GPHN: variants seen among roughly 807,000 people sequenced by gnomAD.
The protein encoded by GPHN is gephyrin.
In GPHN, 17 loss-of-function variants were observed where a neutral mutation model predicts 95.5. The ratio of observed to expected loss-of-function variants is 0.18; its 90% CI spans 0.12 to 0.27. GPHN has a LOEUF of 0.27. Ranked by LOEUF, GPHN falls within the 10% of genes least tolerant of loss-of-function variation. The pLI, the probability that GPHN is intolerant of heterozygous loss-of-function variation, is 1.00. For missense variants in GPHN, 660 were observed against 978.1 expected, an observed-to-expected ratio of 0.67 and a Z score of 4.34; for synonymous variants, 320 against 322.5, an observed-to-expected ratio of 0.99 and a Z score of 0.08.
intron 2 of GPHN, among the ~76,000 whole-genome samples, chr14:66,766,855 A>G (rs1485399949): frequency 1.3e-5 from 2 of 152,058 alleles, no homozygotes; most frequent in African/African-American, 4.8e-5. Context: ...AATTTCATTA[A>G]TCTTGCCTCT....
At chr14:67,459,762 G>A in the GPHN span, among the ~76,000 whole-genome samples, 2 of 152,338 alleles carry the variant, frequency 1.3e-5, no homozygotes, top group African/African-American at 2.4e-5. Flanking sequence ...CGTTGATTGG[G>A]AACAACAATT....
chr14:67,671,231 T>TA, the GPHN span, among the ~76,000 whole-genome samples: 26 of 152,228 alleles, frequency 1.7e-4, no homozygotes, highest in Admixed American at 3.9e-4. Context: ...ACCAGCAACT[T>TA]AGAGTATTTT....
intron 8 of GPHN, among the ~76,000 whole-genome samples, chr14:66,942,111 A>G (rs1305253754): frequency 6.6e-6 from 1 of 152,150 alleles, no homozygotes; most frequent in Non-Finnish European, 1.5e-5. Flanking sequence ...TCCCAAGTTC[A>G]AGTGATTCTC....
chr14:67,571,717 C>G, the GPHN span: 1 of 1,601,578 alleles, frequency 6.2e-7, no homozygotes. Context: ...TGTTTTGCAG[C>G]CTGAGCTGCA....
At chr14:67,725,810 T>C in the GPHN span, among the ~76,000 whole-genome samples, 1 of 152,142 alleles carries the variant, frequency 6.6e-6, no homozygotes, top group Non-Finnish European at 1.5e-5. Context: ...AATTACTCAT[T>C]AGAAACCCAG....
chr14:67,550,158 T>TTAAAA, the GPHN span, among the ~76,000 whole-genome samples: 1 of 145,206 alleles, frequency 6.9e-6, no homozygotes, highest in Non-Finnish European at 1.5e-5. Flanking sequence ...GATCTGTTGC[T>TTAAAA]AAAAAAAAAA....
At chr14:66,667,496 C>T (rs2066035673) in intron 1 of GPHN, among the ~76,000 whole-genome samples, 2 of 152,126 alleles carry the variant, frequency 1.3e-5, no homozygotes, top group Admixed American at 6.5e-5. Context: ...AAAAATAAGA[C>T]TGCACATGTA....
the GPHN span, among the ~76,000 whole-genome samples, chr14:67,318,628 C>T: frequency 6.6e-6 from 1 of 151,440 alleles, no homozygotes; most frequent in Non-Finnish European, 1.5e-5. Flanking sequence ...ATTACATTTG[C>T]TGTTTATGAT....
intron 3 of GPHN, among the ~76,000 whole-genome samples, chr14:66,778,440 A>G (rs936216246): frequency 1.3e-5 from 2 of 152,200 alleles, no homozygotes; most frequent in Non-Finnish European, 2.9e-5. Context: ...TTAGAGCATT[A>G]TGACATTATT....
chr14:67,485,483 G>A, the GPHN span, among the ~76,000 whole-genome samples: 1 of 152,170 alleles, frequency 6.6e-6, no homozygotes, highest in Non-Finnish European at 1.5e-5. Flanking sequence ...TCTACTCCCT[G>A]CAAATTCCTG....
chr14:67,601,380 G>T, the GPHN span, among the ~76,000 whole-genome samples: 2 of 152,202 alleles, frequency 1.3e-5, no homozygotes, highest in African/African-American at 4.8e-5. Context: ...AGATCCAAGA[G>T]GGTCTTGTAG....
chr14:67,189,837 A>ATTTTTTTTTTTTTT, the GPHN span: 2 of 108,096 alleles, frequency 1.9e-5, no homozygotes, highest in African/African-American at 3.8e-5. Flanking sequence ...ATTTTTTTTA[A>ATTTTTTTTTTTTTT]TTTTTTTTTT....
At chr14:67,599,959 C>T in the GPHN span, 1 of 1,403,718 alleles carries the variant, frequency 7.1e-7, no homozygotes, top group East Asian at 2.6e-5. Flanking sequence ...GACCAAAGAC[C>T]CCAAAGACCC....
At chr14:67,167,919 T>C (rs1184827895) in intron 20 of GPHN, among the ~76,000 whole-genome samples, 1 of 152,204 alleles carries the variant, frequency 6.6e-6, no homozygotes, top group East Asian at 1.9e-4. Context: ...TGTTTGCTTC[T>C]TCACAGCCCA....
the GPHN span, among the ~76,000 whole-genome samples, chr14:67,498,286 G>C: frequency 1.3e-5 from 2 of 152,096 alleles, no homozygotes; most frequent in Admixed American, 1.3e-4. Context: ...CACGATGGGG[G>C]GTGGGCAATC....
At chr14:67,192,210 A>G in the GPHN span, among the ~76,000 whole-genome samples, 3 of 152,222 alleles carry the variant, frequency 2.0e-5, no homozygotes, top group African/African-American at 7.2e-5. Context: ...TGTTGGAAAA[A>G]TATAAGCTAT....
intron 2 of GPHN, among the ~76,000 whole-genome samples, chr14:66,743,637 G>A (rs548917595): frequency 5.9e-5 from 9 of 152,280 alleles, no homozygotes; most frequent in African/African-American, 2.2e-4. Context: ...AGCTACTTGG[G>A]AGGCTGAGGC....
At chr14:66,669,733 T>C (rs140050166) in intron 1 of GPHN, among the ~76,000 whole-genome samples, 20 of 152,302 alleles carry the variant, frequency 1.3e-4, no homozygotes, top group Non-Finnish European at 2.2e-4. Context: ...GTTTTGTATT[T>C]CAGTTATTGT....
chr14:66,893,763 A>G (rs2064660497), intron 5 of GPHN, among the ~76,000 whole-genome samples: 1 of 152,184 alleles, frequency 6.6e-6, no homozygotes, highest in African/African-American at 2.4e-5. Flanking sequence ...CCCATTCACA[A>G]ATGCTTCAAA....
Sources: gnomAD v4.1 joint callset for allele counts (sites outside exome capture counted in the v4.1 genomes callset) on GRCh38, gnomAD v4.1.1 for gene constraint, MANE v1.5 for transcripts, NCBI Gene and HGNC (gene_info 2026-07-23, HGNC 2026-07-21) for gene names.